Variants in CPNE8 observed in about 807,000 individuals in gnomAD.
CPNE8 encodes copine-8.
CPNE8 carries 45 observed loss-of-function variants against 81.5 expected under a neutral mutation model. The observed-to-expected ratio is 0.55, with a 90% CI of 0.44 to 0.71. CPNE8 has a LOEUF of 0.71. Among genes scored for constraint, CPNE8 ranks in the 30% least tolerant of loss-of-function variants. CPNE8 has a pLI of 0.00. For synonymous variants in CPNE8, 252 were observed against 226.3 expected, an observed-to-expected ratio of 1.11 and a Z score of -1.02; for missense variants, 594 against 672.1, an observed-to-expected ratio of 0.88 and a Z score of 1.28.
chr12:38,834,043 T>C (rs966408918), intron 5 of CPNE8, among the ~76,000 whole-genome samples: 2 of 151,854 alleles, frequency 1.3e-5, no homozygotes, highest in Non-Finnish European at 2.9e-5. Flanking sequence ...GGAGAGGAGG[T>C]AACCAGGGGC....
chr12:38,748,532 G>C (rs1198766880), intron 10 of CPNE8, among the ~76,000 whole-genome samples: 1 of 149,820 alleles, frequency 6.7e-6, no homozygotes, highest in African/African-American at 2.5e-5. Context: ...ACGGAGTCTC[G>C]CTCTGTCGCC....
intron 10 of CPNE8, among the ~76,000 whole-genome samples, chr12:38,731,724 T>C (rs1940834878): frequency 6.6e-6 from 1 of 151,870 alleles, no homozygotes; most frequent in Non-Finnish European, 1.5e-5. Flanking sequence ...GAACCCAAAC[T>C]TCTAGAACTC....
chr12:38,850,642 G>A (rs928068404), intron 3 of CPNE8, among the ~76,000 whole-genome samples: 2 of 152,100 alleles, frequency 1.3e-5, no homozygotes, highest in African/African-American at 4.8e-5. Context: ...GCTAAATCCA[G>A]TGGTCACTTC....
intron 6 of CPNE8, among the ~76,000 whole-genome samples, chr12:38,817,614 C>CTTTTTTTTT (rs869168296): frequency 3.4e-4 from 31 of 90,614 alleles, no homozygotes; most frequent in South Asian, 8.8e-4. Flanking sequence ...TTAATTTATT[C>CTTTTTTTTT]TTTTTTTTTT....
At chr12:38,783,890 A>T (rs1942110002) in intron 6 of CPNE8, among the ~76,000 whole-genome samples, 1 of 152,212 alleles carries the variant, frequency 6.6e-6, no homozygotes, top group Admixed American at 6.5e-5. Flanking sequence ...TCTTGCCAAG[A>T]AGAATGGGTA....
chr12:38,844,853 C>T (rs958550644), intron 4 of CPNE8, among the ~76,000 whole-genome samples: 2 of 152,144 alleles, frequency 1.3e-5, no homozygotes, highest in African/African-American at 4.8e-5. Flanking sequence ...ATAAAATCAA[C>T]AGGCATTAAG....
At chr12:38,808,707 A>G (rs1478766850) in intron 6 of CPNE8, among the ~76,000 whole-genome samples, 1 of 151,866 alleles carries the variant, frequency 6.6e-6, no homozygotes, top group Admixed American at 6.6e-5. Flanking sequence ...TACATATGTA[A>G]CTAACCTGCA....
intron 6 of CPNE8, among the ~76,000 whole-genome samples, chr12:38,782,967 A>G (rs1170750563): frequency 6.6e-6 from 1 of 152,146 alleles, no homozygotes; most frequent in Non-Finnish European, 1.5e-5. Context: ...GGCATGAGCC[A>G]CCCCACCTTG....
Position 38,848,573 on chromosome 12 carries a change from A to C in CPNE8, c.276T>G (p.Asn92Lys), listed in dbSNP as rs752680116. ...GTAGAACTTACAAGTCAAAACGAAG[A>C]TTCTCTCTTTCTTCAAAAAAGTAGT... ...ILDYFFEERE[N>K]LRFDLYDVDS... is the part of the protein sequence containing the mutation. The change falls in exon 4 of 20, where the codon AAT becomes AAG. Residue 92 changes from asparagine to lysine, a missense_variant. Physicochemically the swap from Asn to Lys is moderately conservative, Grantham distance 94. Coordinates refer to ENST00000331366, the MANE Select transcript of CPNE8 (RefSeq NM_153634.3). 3 of 1,574,410 alleles carry C rather than the reference A, an allele frequency of 1.9e-6. No individual in the cohort carries two copies. Among genetic ancestry groups the C allele is most frequent in the African/African-American group, 1.4e-5 (1 of 71,816 alleles).
chr12:38,762,675 T>C (rs918605690), intron 8 of CPNE8, among the ~76,000 whole-genome samples: 4 of 152,136 alleles, frequency 2.6e-5, no homozygotes, highest in African/African-American at 9.7e-5. Context: ...AGAAAAAAGT[T>C]AGGCTAATTT....
chr12:38,690,251 T>C (rs902546738), intron 15 of CPNE8, among the ~76,000 whole-genome samples: 3 of 152,212 alleles, frequency 2.0e-5, no homozygotes, highest in Non-Finnish European at 4.4e-5. Flanking sequence ...GAACTTTTTG[T>C]ATTTGTCATT....
At chr12:38,875,048 G>C (rs2056529) in intron 1 of CPNE8, among the ~76,000 whole-genome samples, 1 of 152,064 alleles carries the variant, frequency 6.6e-6, no homozygotes, top group South Asian at 2.1e-4. Flanking sequence ...GATGAACATA[G>C]AGATGTTGCC....
At chr12:38,728,232 C>T (rs1048151238) in intron 11 of CPNE8, among the ~76,000 whole-genome samples, 2 of 152,100 alleles carry the variant, frequency 1.3e-5, no homozygotes, top group Middle Eastern at 3.4e-3. Context: ...AGAAAGAAGT[C>T]GACAGAAATT....
rs115536073 is a variant in CPNE8, at chr12:38,694,138, T to C, written c.962-300A>G. Among the ~76,000 whole-genome samples the C allele has an allele frequency of 4.1e-3, 626 of 152,278 alleles. 9 individuals are homozygous for C. Among genetic ancestry groups the C allele is most frequent in the African/African-American group, 0.014 (589 of 41,562 alleles). On this transcript the variant is annotated intron_variant, in intron 14 of 19. Transcript: ENST00000331366. ...TGTTCTGGAAGTATAAAAGTACTTT[T>C]GTTAATCTTATTTTATTGTAATCTT... is the stretch of plus-strand genomic sequence containing the variant.
intron 6 of CPNE8, among the ~76,000 whole-genome samples, chr12:38,808,569 C>A (rs1444239620): frequency 8.0e-6 from 1 of 124,944 alleles, no homozygotes; most frequent in Admixed American, 1.1e-4. Context: ...CACATGGACA[C>A]AAGAAGGGGA....
At chr12:38,786,072 C>T (rs1010764417) in intron 6 of CPNE8, among the ~76,000 whole-genome samples, 5 of 151,968 alleles carry the variant, frequency 3.3e-5, no homozygotes, top group Admixed American at 1.3e-4. Flanking sequence ...AATAATAACA[C>T]TAAATGCAAA....
At chr12:38,857,420 C>G (rs2137073694) in intron 3 of CPNE8, among the ~76,000 whole-genome samples, 1 of 149,156 alleles carries the variant, frequency 6.7e-6, no homozygotes, top group East Asian at 2.1e-4. Flanking sequence ...AGTCGTTTCT[C>G]TATTTTTCTT....
chr12:38,807,263 T>C (rs1942831303), intron 6 of CPNE8, among the ~76,000 whole-genome samples: 1 of 148,000 alleles, frequency 6.8e-6, no homozygotes, highest in Non-Finnish European at 1.5e-5. Flanking sequence ...TTAAAGTTCA[T>C]ATGGAACCAA....
intron 13 of CPNE8, among the ~76,000 whole-genome samples, chr12:38,719,654 A>G (rs557935385): frequency 1.3e-5 from 2 of 151,832 alleles, no homozygotes; most frequent in Non-Finnish European, 2.9e-5. Context: ...GGGCAAAGAT[A>G]TATAAATACA....
Sources: gnomAD v4.1 joint callset for allele counts (sites outside exome capture counted in the v4.1 genomes callset) on GRCh38, gnomAD v4.1.1 for gene constraint, MANE v1.5 for transcripts, NCBI Gene and HGNC (gene_info 2026-07-23, HGNC 2026-07-21) for gene names.